Variants in BRD3OS observed in about 807,000 individuals in gnomAD.
BRD3OS encodes the protein uncharacterized protein BRD3OS.
rs532109328 is a variant in BRD3OS at position 134,030,752 on chromosome 9, G to C, written c.*3750G>C. The stretch of plus-strand genomic sequence containing the variant: ...AACACACAAAAAAATGTGTCTTACA[G>C]TTTGTAAGCAAGATGACACTGCCCA... On this transcript the variant is annotated 3_prime_UTR_variant, in exon 3 of 3. Coordinates refer to ENST00000603928, the MANE Select transcript of BRD3OS (RefSeq NM_001355256.2). 1.3e-5 allele frequency: 3 copies of C among 232,000 alleles called. No homozygotes were observed. Among genetic ancestry groups the C allele is most frequent in the Admixed American group, 5.6e-5 (1 of 17,774 alleles). 14.4% of individuals were successfully genotyped at this position (232,000 alleles called of 1,614,324 possible).
In BRD3OS at chr9:134,030,854, T is replaced by C. The variant is rs1843501379; in HGVS notation, c.*3852T>C. 4.3e-6 allele frequency: 1 copy of C among 232,406 alleles called. No individual in the cohort carries two copies. The highest frequency in any genetic ancestry group is 6.1e-5 in the East Asian group (1 of 16,486). The allele number at this position is 232,406 out of a possible 1,614,324, so 14.4% of individuals were successfully genotyped here. The stretch of plus-strand genomic sequence containing the variant: ...CCTCCAGGGGTCATTCAGAGTGTTC[T>C]CAAATCCAATTCCGACACACGACTT... On this transcript the variant is annotated 3_prime_UTR_variant, in exon 3 of 3. Transcript: ENST00000603928.
At position 134,030,687 on chromosome 9, in the gene BRD3OS, T is replaced by C. The variant is rs1843498718; in HGVS notation, c.*3685T>C. On this transcript the variant is annotated 3_prime_UTR_variant, in exon 3 of 3. Coordinates refer to ENST00000603928, the MANE Select transcript of BRD3OS (RefSeq NM_001355256.2). ...GGTGTTACTCTTTCCCAAAAGACTG[T>C]CAGAGGCGTGAGTGCTGCAAAAGAA... The C allele has an allele frequency of 1.3e-5, 3 of 230,224 alleles. No homozygotes were observed. The highest frequency in any genetic ancestry group is 6.6e-5 in the African/African-American group (3 of 45,154). The allele number at this position is 230,224 out of a possible 1,614,324, so 14.3% of individuals were successfully genotyped here.
chr9:134,031,253 C>G lies in BRD3OS; in HGVS notation c.*4251C>G, dbSNP rs1236529246. Reference sequence around the variant, plus strand: ...CCACGATGCTCCTGCTGCGCTGCCCCCACAGCCGGCCGCTCCCCCGACGGC... The same window carrying G: ...CCACGATGCTCCTGCTGCGCTGCCCGCACAGCCGGCCGCTCCCCCGACGGC... On this transcript the variant is annotated 3_prime_UTR_variant, in exon 3 of 3. Coordinates refer to ENST00000603928, the MANE Select transcript of BRD3OS (RefSeq NM_001355256.2). The G allele has an allele frequency of 4.7e-6, 1 of 211,732 alleles. No homozygotes were observed. Among genetic ancestry groups the G allele is most frequent in the African/African-American group, 2.3e-5 (1 of 44,012 alleles). The allele number at this position is 211,732 out of a possible 1,614,324, so 13.1% of individuals were successfully genotyped here.
Position 134,028,879 on chromosome 9 carries a change from CA to C in BRD3OS, c.*1878del, listed in dbSNP as rs1201347991. On this transcript the variant is annotated 3_prime_UTR_variant, in exon 3 of 3. Transcript: ENST00000603928. The stretch of plus-strand genomic sequence containing the variant: ...GAAGTGGAACTGCTGGGTCAAAGTG[CA>C]TTCCCCAAATGTCCTGCCAGAGGCC... 6.6e-6 allele frequency: 1 copy of C among 152,320 alleles called. No individual in the cohort carries two copies. The highest frequency in any genetic ancestry group is 1.5e-5 in the Non-Finnish European group (1 of 68,084). 9.4% of individuals were successfully genotyped at this position (152,320 alleles called of 1,614,324 possible). A position where few individuals can be genotyped will look rare whatever the true frequency, so the allele number is the denominator to read the frequency against.
In BRD3OS at chr9:134,028,695, A is replaced by G. The variant is rs1250390317; in HGVS notation, c.*1693A>G. On this transcript the variant is annotated 3_prime_UTR_variant, in exon 3 of 3. Transcript: ENST00000603928. The stretch of plus-strand genomic sequence containing the variant: ...TGAGCCACCGCACCCGGCCCACTTC[A>G]TGCTTTTAACCTCTGACTCGCAGCT... The G allele has an allele frequency of 6.6e-6, 1 of 152,288 alleles. No individual in the cohort carries two copies. Among genetic ancestry groups the G allele is most frequent in the African/African-American group, 2.4e-5 (1 of 41,450 alleles). 9.4% of individuals were successfully genotyped at this position (152,288 alleles called of 1,614,324 possible). A position where few individuals can be genotyped will look rare whatever the true frequency, so the allele number is the denominator to read the frequency against.
rs1843499665 is a variant in BRD3OS at position 134,030,727 on chromosome 9, AAC to A, written c.*3731_*3732del. 1 of 231,778 alleles carries A rather than the reference AAC, an allele frequency of 4.3e-6. No homozygotes were observed. The highest frequency in any genetic ancestry group is 6.1e-5 in the East Asian group (1 of 16,456). The allele number at this position is 231,778 out of a possible 1,614,324, so 14.4% of individuals were successfully genotyped here. On this transcript the variant is annotated 3_prime_UTR_variant, in exon 3 of 3. Coordinates refer to ENST00000603928, the MANE Select transcript of BRD3OS (RefSeq NM_001355256.2). ...CTGCAAAAGAACAACAACAAAAACAAACACACAAAAAAATGTGTCTTACAGTT... is the reference window on the plus strand; with the variant it reads ...CTGCAAAAGAACAACAACAAAAACAAACACAAAAAAATGTGTCTTACAGTT...
At position 134,030,791 on chromosome 9, in the gene BRD3OS, T is replaced by A. The variant is rs1288370285; in HGVS notation, c.*3789T>A. The A allele has an allele frequency of 4.3e-6, 1 of 231,958 alleles. No individual in the cohort carries two copies. Among genetic ancestry groups the A allele is most frequent in the Non-Finnish European group, 8.5e-6 (1 of 117,400 alleles). The allele number at this position is 231,958 out of a possible 1,614,324, so 14.4% of individuals were successfully genotyped here. A position where few individuals can be genotyped will look rare whatever the true frequency, so the allele number is the denominator to read the frequency against. On this transcript the variant is annotated 3_prime_UTR_variant, in exon 3 of 3. Transcript: ENST00000603928. The stretch of plus-strand genomic sequence containing the variant: ...TGACACTGCCCAACACAAAGAGGGG[T>A]CTGGAGTTCAGTTCACGCCCGAAGC...
rs142913914 is a variant in BRD3OS, at chr9:134,026,427, C to T, written c.-321C>T. ...GGTCCAGGCCATGGTGGCAGAATCA[C>T]CCCCCAGGGTGTGACGCCTCGTCCC... On this transcript the variant is annotated 5_prime_UTR_variant, in exon 3 of 3. Coordinates refer to ENST00000603928, the MANE Select transcript of BRD3OS (RefSeq NM_001355256.2). This position sits in a 1 kb window ranked among gnomAD's most constrained non-coding sequence, Gnocchi z 4.4. 9.0e-4 allele frequency: 177 copies of T among 196,068 alleles called. No individual in the cohort carries two copies. Among genetic ancestry groups the T allele is most frequent in the African/African-American group, 3.8e-3 (163 of 43,302 alleles). 12.1% of individuals were successfully genotyped at this position (196,068 alleles called of 1,614,324 possible).
At position 134,030,509 on chromosome 9, in the gene BRD3OS, C is replaced by A. The variant is rs534099703; in HGVS notation, c.*3507C>A. 3 of 205,574 alleles carry A rather than the reference C, an allele frequency of 1.5e-5. No homozygotes were observed. The highest frequency in any genetic ancestry group is 3.0e-5 in the Non-Finnish European group (3 of 100,844). The allele number at this position is 205,574 out of a possible 1,614,324, so 12.7% of individuals were successfully genotyped here. On this transcript the variant is annotated 3_prime_UTR_variant, in exon 3 of 3. Transcript: ENST00000603928. Reference sequence around the variant, plus strand: ...GACATTTACAGGAATATACTAGAAACGGCACTAAAAAGTTTAAGAAAAGTT... The same window carrying A: ...GACATTTACAGGAATATACTAGAAAAGGCACTAAAAAGTTTAAGAAAAGTT...
Position 134,031,049 on chromosome 9 carries a change from ACT to A in BRD3OS, c.*4050_*4051del, listed in dbSNP as rs1357041140. ...CTGAGGAAGTCATTAATCCTTCGAA[ACT>A]CTGAAAAGAAACCAGTGTTGAAGTC... On this transcript the variant is annotated 3_prime_UTR_variant, in exon 3 of 3. Coordinates refer to ENST00000603928, the MANE Select transcript of BRD3OS (RefSeq NM_001355256.2). 8.7e-6 allele frequency: 2 copies of A among 230,634 alleles called. No homozygotes were observed. Among genetic ancestry groups the A allele is most frequent in the African/African-American group, 2.2e-5 (1 of 45,174 alleles). 14.3% of individuals were successfully genotyped at this position (230,634 alleles called of 1,614,324 possible).
rs1843431833 is a variant in BRD3OS at position 134,026,575 on chromosome 9, C to A, written c.-173C>A. The A allele has an allele frequency of 5.1e-6, 2 of 388,700 alleles. No homozygotes were observed. Among genetic ancestry groups the A allele is most frequent in the Non-Finnish European group, 9.1e-6 (2 of 220,362 alleles). The allele number at this position is 388,700 out of a possible 1,614,324, so 24.1% of individuals were successfully genotyped here. On this transcript the variant is annotated 5_prime_UTR_variant, in exon 3 of 3. Coordinates refer to ENST00000603928, the MANE Select transcript of BRD3OS (RefSeq NM_001355256.2). This position sits in a 1 kb window ranked among gnomAD's most constrained non-coding sequence, Gnocchi z 4.4. The stretch of plus-strand genomic sequence containing the variant: ...GTGAGGCCGCCTCATTTCCTCACCA[C>A]ACAACCCTCCTGAGGACGTTGCCTG...
chr9:134,031,349 C>A lies in BRD3OS; in HGVS notation c.*4347C>A, dbSNP rs1217428784. The A allele has an allele frequency of 4.8e-6, 1 of 207,770 alleles. No individual in the cohort carries two copies. The highest frequency in any genetic ancestry group is 9.8e-6 in the Non-Finnish European group (1 of 101,872). 12.9% of individuals were successfully genotyped at this position (207,770 alleles called of 1,614,324 possible). ...AAGGAGCGCCCCCCAGCCCCAGGCA[C>A]CCCCGGCTTAGGGTGTACGTATCAC... is the stretch of plus-strand genomic sequence containing the variant. On this transcript the variant is annotated 3_prime_UTR_variant, in exon 3 of 3. Coordinates refer to ENST00000603928, the MANE Select transcript of BRD3OS (RefSeq NM_001355256.2).
In BRD3OS at chr9:134,027,940, GAC is replaced by G. The variant is rs1305212357; in HGVS notation, c.*940_*941del. On this transcript the variant is annotated 3_prime_UTR_variant, in exon 3 of 3. Transcript: ENST00000603928. ...ACCACTCTGCCCCCAGGCCGACACT[GAC>G]ATGTGTTCACTGTCGCTGCCACAGC... 6.6e-6 allele frequency: 1 copy of G among 152,128 alleles called. No individual in the cohort carries two copies. The highest frequency in any genetic ancestry group is 1.9e-4 in the East Asian group (1 of 5,202). 9.4% of individuals were successfully genotyped at this position (152,128 alleles called of 1,614,324 possible).
At position 134,030,991 on chromosome 9, in the gene BRD3OS, G is replaced by A. The variant is rs575758705; in HGVS notation, c.*3989G>A. 3 of 230,746 alleles carry A rather than the reference G, an allele frequency of 1.3e-5. No individual in the cohort carries two copies. Among genetic ancestry groups the A allele is most frequent in the East Asian group, 1.2e-4 (2 of 16,362 alleles). 14.3% of individuals were successfully genotyped at this position (230,746 alleles called of 1,614,324 possible). A position where few individuals can be genotyped will look rare whatever the true frequency, so the allele number is the denominator to read the frequency against. ...GCCTTCTAATACAGAAGAAACGGAC[G>A]TGACTGTCACCCTCAGCCCGCCAGC... On this transcript the variant is annotated 3_prime_UTR_variant, in exon 3 of 3. Transcript: ENST00000603928.
In BRD3OS at chr9:134,030,613, C is replaced by A; in HGVS notation, c.*3611C>A. 1 of 225,860 alleles carries A rather than the reference C, an allele frequency of 4.4e-6. No individual in the cohort carries two copies. Among genetic ancestry groups the A allele is most frequent in the Non-Finnish European group, 8.8e-6 (1 of 113,498 alleles). 14.0% of individuals were successfully genotyped at this position (225,860 alleles called of 1,614,324 possible). On this transcript the variant is annotated 3_prime_UTR_variant, in exon 3 of 3. Transcript: ENST00000603928. ...AGAAAAACTTCCTGGAAGCATTATG[C>A]CAGTATTAAGGAACAGTGCTACTCT...
In BRD3OS at chr9:134,029,964, G is replaced by A. The variant is rs1274256724; in HGVS notation, c.*2962G>A. 1 of 152,180 alleles carries A rather than the reference G, an allele frequency of 6.6e-6. No homozygotes were observed. The highest frequency in any genetic ancestry group is 2.4e-5 in the African/African-American group (1 of 41,440). The allele number at this position is 152,180 out of a possible 1,614,324, so 9.4% of individuals were successfully genotyped here. A position where few individuals can be genotyped will look rare whatever the true frequency, so the allele number is the denominator to read the frequency against. On this transcript the variant is annotated 3_prime_UTR_variant, in exon 3 of 3. Coordinates refer to ENST00000603928, the MANE Select transcript of BRD3OS (RefSeq NM_001355256.2). ...TGGTTTGATTATTATTATTTTTTAA[G>A]AGATGTTGTCCAGGCTGGAGTGCAG... is the stretch of plus-strand genomic sequence containing the variant.
At position 134,030,304 on chromosome 9, in the gene BRD3OS, C is replaced by CTTTTTTTTTTT. The variant is rs60558736; in HGVS notation, c.*3313_*3323dup. The CTTTTTTTTTTT allele has an allele frequency of 6.4e-5, 5 of 78,092 alleles. No individual in the cohort carries two copies. The highest frequency in any genetic ancestry group is 0.013 in the Middle Eastern group (1 of 76). The allele number at this position is 78,092 out of a possible 1,614,324, so 4.8% of individuals were successfully genotyped here. On this transcript the variant is annotated 3_prime_UTR_variant, in exon 3 of 3. Coordinates refer to ENST00000603928, the MANE Select transcript of BRD3OS (RefSeq NM_001355256.2). ...GGAAAATGCAAAAAAAAAAAACAGT[C>CTTTTTTTTTTT]TTTTTTTTTTTTTTTTTTTTTGCTT...
chr9:134,030,301 AGTCT>A lies in BRD3OS; in HGVS notation c.*3300_*3303del, dbSNP rs1373189245. On this transcript the variant is annotated 3_prime_UTR_variant, in exon 3 of 3. Transcript: ENST00000603928. ...ACAGGAAAATGCAAAAAAAAAAAAC[AGTCT>A]TTTTTTTTTTTTTTTTTTTTGCTTT... 3 of 108,720 alleles carry A rather than the reference AGTCT, an allele frequency of 2.8e-5. No individual in the cohort carries two copies. The highest frequency in any genetic ancestry group is 5.6e-5 in the Non-Finnish European group (3 of 53,382). 6.7% of individuals were successfully genotyped at this position (108,720 alleles called of 1,614,324 possible).
Position 134,030,589 on chromosome 9 carries a change from G to T in BRD3OS, c.*3587G>T. The T allele has an allele frequency of 4.5e-6, 1 of 221,108 alleles. No homozygotes were observed. The highest frequency in any genetic ancestry group is 9.0e-6 in the Non-Finnish European group (1 of 110,532). The allele number at this position is 221,108 out of a possible 1,614,324, so 13.7% of individuals were successfully genotyped here. ...AAAGTAACATTTTAAATATAAAAAA[G>T]AAAAACTTCCTGGAAGCATTATGCC... On this transcript the variant is annotated 3_prime_UTR_variant, in exon 3 of 3. Transcript: ENST00000603928.
Sources: allele counts gnomAD v4.1 joint callset, GRCh38; gene constraint gnomAD v4.1.1; non-coding constraint Gnocchi (gnomAD v3.1); transcripts MANE v1.5; gene names NCBI Gene and HGNC (gene_info 2026-07-23, HGNC 2026-07-21).